The following MTCL1 variants were observed in gnomAD, a reference collection of about 807,000 sequenced individuals.
MTCL1 encodes the protein microtubule cross-linking factor 1.
A neutral mutation model predicts 141.4 loss-of-function variants in MTCL1; 79 were observed. The observed-to-expected ratio is 0.56, with a 90% CI of 0.47 to 0.67. MTCL1 has a LOEUF of 0.67. Among genes scored for constraint, MTCL1 ranks in the 30% least tolerant of loss-of-function variants. The pLI is 0.00. For synonymous variants in MTCL1, 914 were observed against 875.8 expected (o/e 1.04, Z -0.77); for missense variants, 2,177 against 2,113.9 (o/e 1.03, Z -0.59).
intron 10 of MTCL1, chr18:8,802,175 G>A (rs903422922): frequency 3.3e-5 from 5 of 152,184 alleles, no homozygotes; most frequent in African/African-American, 1.2e-4. Flanking sequence ...AGTTGCCTGT[G>A]TTGAATGCTA....
At chr18:8,771,820 G>C (rs1371187182) in intron 4 of MTCL1, among the ~76,000 whole-genome samples, 1 of 152,110 alleles carries the variant, frequency 6.6e-6, no homozygotes, top group East Asian at 1.9e-4. Context: ...GCTGGCAATT[G>C]ATCAGGCTAA....
At chr18:8,817,996 G>T (rs2076714407) in intron 12 of MTCL1, among the ~76,000 whole-genome samples, 1 of 152,244 alleles carries the variant, frequency 6.6e-6, no homozygotes, top group Admixed American at 6.5e-5. Context: ...CCATTTGCCT[G>T]CCTGCCTCAG....
chr18:8,811,708 G>A (rs1349021803), intron 11 of MTCL1, among the ~76,000 whole-genome samples: 1 of 152,156 alleles, frequency 6.6e-6, no homozygotes, highest in Non-Finnish European at 1.5e-5. Flanking sequence ...CTAAAGCACT[G>A]AGCTGCCATT....
At chr18:8,807,934 G>T (rs1463780647) in intron 11 of MTCL1, among the ~76,000 whole-genome samples, 2 of 150,822 alleles carry the variant, frequency 1.3e-5, no homozygotes, top group African/African-American at 4.9e-5. Flanking sequence ...GGTCATGAAA[G>T]GAAAAGAATT....
chr18:8,726,372 A>T (rs1267318238), intron 4 of MTCL1, among the ~76,000 whole-genome samples: 1 of 141,834 alleles, frequency 7.1e-6, no homozygotes, highest in African/African-American at 2.7e-5. Flanking sequence ...TCAAAATGCT[A>T]GTCAATTTGG....
chr18:8,757,822 A>T (rs751945447), intron 4 of MTCL1, among the ~76,000 whole-genome samples: 37 of 152,136 alleles, frequency 2.4e-4, no homozygotes, highest in Admixed American at 6.5e-4. Context: ...TTTTATTGTT[A>T]TTGCTGTCAA....
chr18:8,709,246 G>T (rs868707683), intron 1 of MTCL1, among the ~76,000 whole-genome samples: 8 of 152,128 alleles, frequency 5.3e-5, no homozygotes, highest in South Asian at 2.1e-4. Flanking sequence ...AGGCTGGAGT[G>T]CAGTGGCATG....
intron 4 of MTCL1, among the ~76,000 whole-genome samples, chr18:8,774,391 G>A (rs2096497019): frequency 6.6e-6 from 1 of 152,102 alleles, no homozygotes; most frequent in South Asian, 2.1e-4. Flanking sequence ...ATTATTTTAT[G>A]CTGATCTTCA....
exon 17 of MTCL1, chr18:8,831,846 A>T: frequency 6.5e-7 from 1 of 1,545,208 alleles, no homozygotes; most frequent in Non-Finnish European, 8.7e-7. Context: ...TGTAATTTGC[A>T]TAACCACACC....
intron 11 of MTCL1, among the ~76,000 whole-genome samples, chr18:8,808,844 G>A (rs977987119): frequency 2.0e-5 from 3 of 152,218 alleles, no homozygotes; most frequent in African/African-American, 7.2e-5. Flanking sequence ...GACAAGTGCT[G>A]TCCTTTATAA....
At chr18:8,706,197 G>A in exon 1 of MTCL1, 1 of 1,225,516 alleles carries the variant, frequency 8.2e-7, no homozygotes, top group Non-Finnish European at 1.0e-6. Flanking sequence ...CCCCGACCCC[G>A]GCCGCCCGGA....
intron 4 of MTCL1, among the ~76,000 whole-genome samples, chr18:8,751,421 C>T (rs555441207): frequency 2.0e-5 from 3 of 152,246 alleles, no homozygotes; most frequent in East Asian, 3.9e-4. Flanking sequence ...GTGATGTTGC[C>T]GCTACTGTTA....
At chr18:8,714,350 G>A (rs536895438), upstream of MTCL1, among the ~76,000 whole-genome samples, 7 of 152,294 alleles carry the variant, frequency 4.6e-5, no homozygotes, top group African/African-American at 4.8e-5. Flanking sequence ...CTTAATAAAC[G>A]ACGCCTGTTC....
chr18:8,790,846 C>G (rs555738053), intron 7 of MTCL1, among the ~76,000 whole-genome samples: 4 of 152,122 alleles, frequency 2.6e-5, no homozygotes, highest in African/African-American at 9.7e-5. Flanking sequence ...GAAACCCTAT[C>G]TCTACTAAAA....
Position 8,796,345 on chromosome 18 carries a change from G to C in MTCL1, c.2124G>C (p.Gln708His), listed in dbSNP as rs768650880. The change falls in exon 9 of 17, where the codon CAG (glutamine) becomes CAC (histidine). Residue 708 changes from glutamine to histidine, a missense_variant. Transcript: ENST00000359865. ...GGAGTGATGAGAAGAATCTGATGCA[G>C]CAGGAGCTCCGGTCCTTGAAGCAGA... The C allele has an allele frequency of 1.9e-6, 3 of 1,614,222 alleles. No homozygotes were observed. The East Asian group carries it at 6.7e-5, about 36-fold the overall frequency.
chr18:8,783,857 G>A, exon 6 of MTCL1: 1 of 1,613,030 alleles, frequency 6.2e-7, no homozygotes, highest in Non-Finnish European at 8.5e-7. Flanking sequence ...GCAGGAGCGG[G>A]AGGGCCCGGG....
intron 4 of MTCL1, among the ~76,000 whole-genome samples, chr18:8,755,168 T>G (rs1374068643): frequency 6.6e-6 from 1 of 152,242 alleles, no homozygotes; most frequent in Non-Finnish European, 1.5e-5. Flanking sequence ...ATAGGACGAC[T>G]GTGGCTCAGC....
At chr18:8,785,884 G>A (rs936916375) in intron 6 of MTCL1, 52 bp from the exon 6 acceptor site, 4 of 1,515,688 alleles carry the variant, frequency 2.6e-6, no homozygotes, top group African/African-American at 2.8e-5. Context: ...TTGTTTTTTT[G>A]TTTAAAATTT....
chr18:8,787,587 A>T (rs888351139), intron 7 of MTCL1, among the ~76,000 whole-genome samples: 3 of 152,360 alleles, frequency 2.0e-5, no homozygotes, highest in Admixed American at 6.5e-5. Context: ...GGCACCTTTT[A>T]AAAACATCCA....
Sources: gnomAD v4.1 joint callset for allele counts (sites outside exome capture counted in the v4.1 genomes callset) on GRCh38, gnomAD v4.1.1 for gene constraint, MANE v1.5 for transcripts, NCBI Gene and HGNC (gene_info 2026-07-23, HGNC 2026-07-21) for gene names.